CERT1: variants seen among roughly 807,000 people sequenced by gnomAD.
CERT1 encodes ceramide transfer protein.
CERT1 carries 31 observed loss-of-function variants against 87.9 expected under a neutral mutation model. That is an observed-to-expected ratio of 0.35 (90% confidence interval 0.27 to 0.48). The LOEUF (loss-of-function observed/expected upper bound fraction) is 0.48. Among genes scored for constraint, CERT1 ranks in the 20% least tolerant of loss-of-function variants. The pLI is 0.99. For synonymous variants in CERT1, 289 were observed against 250.9 expected (o/e 1.15, Z -1.44); for missense variants, 487 against 758.0 (o/e 0.64, Z 4.20).
intron 2 of CERT1, among the ~76,000 whole-genome samples, chr5:75,476,538 C>T (rs1346602256): frequency 6.6e-6 from 1 of 152,102 alleles, no homozygotes; most frequent in East Asian, 1.9e-4. Flanking sequence ...GCTGTTACTT[C>T]CTTAAGGTTT....
At chr5:75,485,410 A>G (rs570889242) in intron 2 of CERT1, among the ~76,000 whole-genome samples, 1 of 151,650 alleles carries the variant, frequency 6.6e-6, no homozygotes, top group Non-Finnish European at 1.5e-5. Flanking sequence ...TATATTAATA[A>G]GCACTTAGAT....
chr5:75,440,512 A>G (rs928829458), intron 3 of CERT1, among the ~76,000 whole-genome samples: 3 of 152,110 alleles, frequency 2.0e-5, no homozygotes, highest in African/African-American at 7.2e-5. Flanking sequence ...AACTCATTTG[A>G]AGGTCATTTA....
chr5:75,423,293 A>C (rs543743784), intron 5 of CERT1, among the ~76,000 whole-genome samples: 1 of 152,320 alleles, frequency 6.6e-6, no homozygotes, highest in African/African-American at 2.4e-5. Flanking sequence ...GTTTTTGTTT[A>C]AAGCTAATCT....
intron 11 of CERT1, among the ~76,000 whole-genome samples, chr5:75,395,618 T>C (rs966179949): frequency 1.3e-5 from 2 of 150,532 alleles, no homozygotes; most frequent in African/African-American, 4.9e-5. Context: ...TCCCAGCACT[T>C]TGGGAGGCCG....
At chr5:75,384,839 T>G in intron 13 of CERT1, 127 bp from the exon 14 acceptor site, 1 of 607,494 alleles carries the variant, frequency 1.6e-6, no homozygotes, top group Non-Finnish European at 2.9e-6. Flanking sequence ...CTATCTAGGT[T>G]ACATCCAAAT....
intron 9 of CERT1, chr5:75,402,167 T>C (rs1762522633): frequency 6.6e-6 from 1 of 152,050 alleles, no homozygotes; most frequent in Admixed American, 6.5e-5. Context: ...GACAAAACAC[T>C]GAACAAAGCA....
intron 6 of CERT1, 145 bp from the exon 7 acceptor site, chr5:75,417,178 TCTC>T (rs1763166350): frequency 9.8e-6 from 6 of 614,990 alleles, no homozygotes; most frequent in Non-Finnish European, 1.7e-5. Flanking sequence ...CATTTAAAAA[TCTC>T]CTATCCAAGC....
chr5:75,423,108 T>C (rs946766151), intron 5 of CERT1, among the ~76,000 whole-genome samples: 1 of 152,224 alleles, frequency 6.6e-6, no homozygotes. Context: ...TTTAAACATG[T>C]AGCAGAAAAG....
chr5:75,384,085 AC>A (rs1312233974), intron 14 of CERT1, among the ~76,000 whole-genome samples: 1 of 152,204 alleles, frequency 6.6e-6, no homozygotes, highest in Non-Finnish European at 1.5e-5. Context: ...ATAGGCTAAT[AC>A]CATGCTAGCC....
chr5:75,389,434 A>ATG (rs1465576734), intron 12 of CERT1, among the ~76,000 whole-genome samples, 158 bp downstream of exon 12: 1 of 152,256 alleles, frequency 6.6e-6, no homozygotes, highest in Non-Finnish European at 1.5e-5. Flanking sequence ...AAGCAAAAAG[A>ATG]CATTTTATTG....
At chr5:75,424,324 G>C (rs1006287536) in intron 5 of CERT1, among the ~76,000 whole-genome samples, 9 of 152,152 alleles carry the variant, frequency 5.9e-5, no homozygotes, top group African/African-American at 2.2e-4. Flanking sequence ...GCTCAGGCCT[G>C]TAATCCCAGC....
At chr5:75,436,014 G>A (rs1420044933) in intron 3 of CERT1, among the ~76,000 whole-genome samples, 4 of 152,104 alleles carry the variant, frequency 2.6e-5, no homozygotes, top group Non-Finnish European at 5.9e-5. Context: ...CTGGGGCAGC[G>A]GCAGGTCCCT....
downstream of CERT1, chr5:75,374,931 G>A: frequency 3.3e-6 from 1 of 306,838 alleles, no homozygotes; most frequent in Non-Finnish European, 6.4e-6. Flanking sequence ...TTGTGTGTGT[G>A]TTAGACCAAG....
At chr5:75,413,563 C>T (rs1170938718) in intron 7 of CERT1, among the ~76,000 whole-genome samples, 1 of 152,082 alleles carries the variant, frequency 6.6e-6, no homozygotes. Flanking sequence ...ATACTAATGG[C>T]TGTGTCTGTG....
chr5:75,480,862 T>C (rs1009634952), intron 2 of CERT1, among the ~76,000 whole-genome samples: 2 of 152,208 alleles, frequency 1.3e-5, no homozygotes, highest in Non-Finnish European at 2.9e-5. Flanking sequence ...GTGCTTTTCG[T>C]AATCTCCACC....
intron 1 of CERT1, among the ~76,000 whole-genome samples, chr5:75,508,398 C>G (rs1189875498): frequency 6.6e-6 from 1 of 152,198 alleles, no homozygotes; most frequent in African/African-American, 2.4e-5. Context: ...GAATAGAACT[C>G]TTTCAATGTT....
At chr5:75,511,810 G>A (rs1227467611), upstream of CERT1, 4 of 1,551,522 alleles carry the variant, frequency 2.6e-6, no homozygotes, top group East Asian at 2.4e-5. Context: ...AGCGGAGAAA[G>A]GAGAGGGCGG....
intron 2 of CERT1, among the ~76,000 whole-genome samples, chr5:75,470,023 A>G (rs1397382781): frequency 6.6e-6 from 1 of 152,188 alleles, no homozygotes; most frequent in African/African-American, 2.4e-5. Flanking sequence ...TTATAAATAT[A>G]ATATGCATCC....
At chr5:75,439,717 T>A (rs1258914912) in intron 3 of CERT1, among the ~76,000 whole-genome samples, 1 of 152,044 alleles carries the variant, frequency 6.6e-6, no homozygotes, top group East Asian at 1.9e-4. Flanking sequence ...TATTACTATT[T>A]TAAAACAAAC....
Sources: allele counts gnomAD v4.1 joint callset (sites outside exome capture counted in the v4.1 genomes callset), GRCh38; gene constraint gnomAD v4.1.1; transcripts MANE v1.5; gene names NCBI Gene and HGNC (gene_info 2026-07-23, HGNC 2026-07-21).